The following MPRIP variants were observed in gnomAD, a reference collection of about 807,000 sequenced individuals.
The protein encoded by MPRIP is myosin phosphatase Rho-interacting protein.
Under a neutral mutation model 234.9 loss-of-function variants are expected in MPRIP, and 59 were observed. That is an observed-to-expected ratio of 0.25 (90% confidence interval 0.20 to 0.31). MPRIP has a LOEUF of 0.31. Among genes scored for constraint, MPRIP ranks in the 10% least tolerant of loss-of-function variants. The pLI, the probability that MPRIP is intolerant of heterozygous loss-of-function variation, is 1.00. For missense variants in MPRIP, 2,436 were observed against 3,071.0 expected (o/e 0.79, Z 4.89); for synonymous variants, 1,144 against 1,263.9 (o/e 0.91, Z 2.01).
chr17:17,082,789 G>A (rs574832047), intron 3 of MPRIP, among the ~76,000 whole-genome samples: 2 of 152,230 alleles, frequency 1.3e-5, no homozygotes, highest in South Asian at 4.1e-4. Context: ...CCCAGCCCCT[G>A]GAAACCCCCA....
At chr17:17,063,376 G>A (rs1349415759) in intron 1 of MPRIP, among the ~76,000 whole-genome samples, 3 of 152,248 alleles carry the variant, frequency 2.0e-5, no homozygotes, top group Admixed American at 1.3e-4. Flanking sequence ...TGAGAGAGAA[G>A]GAATACATTT....
chr17:17,172,606 G>A (rs1270897143), intron 17 of MPRIP, 92 bp from the exon 18 acceptor site: 1 of 923,284 alleles, frequency 1.1e-6, no homozygotes, highest in African/African-American at 1.7e-5. Context: ...GCAGTGGCAG[G>A]CGCCATCCCA....
chr17:17,120,532 G>T (rs1433414566), intron 3 of MPRIP, among the ~76,000 whole-genome samples: 3 of 152,088 alleles, frequency 2.0e-5, no homozygotes, highest in African/African-American at 4.8e-5. Context: ...GTGTCCTCCT[G>T]CCTAAACAAT....
chr17:17,163,413 G>A (rs2045914816), intron 15 of MPRIP, among the ~76,000 whole-genome samples: 1 of 151,978 alleles, frequency 6.6e-6, no homozygotes, highest in Non-Finnish European at 1.5e-5. Flanking sequence ...TTTTGTTTTT[G>A]CATGCTTCAC....
In MPRIP at chr17:17,136,307, C is replaced by A; in HGVS notation, c.593C>A (p.Thr198Asn). 2 of 1,613,956 alleles carry A rather than the reference C, an allele frequency of 1.2e-6. No individual in the cohort carries two copies. The highest frequency in any genetic ancestry group is 1.7e-6 in the Non-Finnish European group (2 of 1,179,886). ...SSIPSAEKVPTTKSTLWQEEM... is the reference protein window; with the variant it reads ...SSIPSAEKVPNTKSTLWQEEM... ...ATCCCCAGTGCTGAGAAAGTCCCCACCACCAAGTCCACACTCTGGCAGGAA... is the reference window on the plus strand; with the variant it reads ...ATCCCCAGTGCTGAGAAAGTCCCCAACACCAAGTCCACACTCTGGCAGGAA... Residue 198 changes from threonine to asparagine, a missense_variant, in exon 6 of 24, where the codon ACC becomes AAC. By Grantham distance (65) the Thr-to-Asn change is moderately conservative. Transcript: ENST00000651222.
chr17:17,178,361 GTAC>G (rs1415953522), intron 22 of MPRIP: 1 of 152,222 alleles, frequency 6.6e-6, no homozygotes, highest in Non-Finnish European at 1.5e-5. Context: ...TAGTGATTAT[GTAC>G]TGACAGATGC....
At chr17:17,116,322 C>T (rs952307867) in intron 3 of MPRIP, among the ~76,000 whole-genome samples, 4 of 152,176 alleles carry the variant, frequency 2.6e-5, no homozygotes, top group Admixed American at 6.5e-5. Context: ...CAGGCCTCTC[C>T]GGCAGGACAG....
rs142358454 is a variant in MPRIP at position 17,065,035 on chromosome 17, A to C, written c.124-10675A>C. ...TGTTTTTTTTAGCCATTATAAAATA[A>C]GATGTTCATAAATAGCATGAACACC... is the stretch of plus-strand genomic sequence containing the variant. On this transcript the variant is annotated intron_variant, in intron 1 of 23. Coordinates refer to ENST00000651222, the MANE Select transcript of MPRIP (RefSeq NM_001364716.4). Among the ~76,000 whole-genome samples the C allele has an allele frequency of 4.2e-4, 64 of 152,276 alleles. No homozygotes were observed. The East Asian group carries it at 0.01, about 25-fold the overall frequency.
intron 1 of MPRIP, among the ~76,000 whole-genome samples, chr17:17,059,653 C>G (rs1356470512): frequency 6.6e-6 from 1 of 152,240 alleles, no homozygotes; most frequent in Non-Finnish European, 1.5e-5. Context: ...AGTTCCTTTC[C>G]CTTTGCACCA....
chr17:17,070,482 A>C (rs1414165418), intron 1 of MPRIP, among the ~76,000 whole-genome samples: 5 of 151,942 alleles, frequency 3.3e-5, no homozygotes, highest in Admixed American at 6.6e-5. Context: ...AGATGGGATG[A>C]TTTCTGTTGT....
In MPRIP at chr17:17,187,098, G is replaced by T. The variant is rs1382481918; in HGVS notation, c.*2204G>T. On this transcript the variant is annotated 3_prime_UTR_variant, in exon 24 of 24. Transcript: ENST00000651222. Reference sequence around the variant, plus strand: ...CAGCTCCCTGCCTTCTGCCCTCCAGGGGGTTCTGGCCAGAGTCCATGCTTG... The same window carrying T: ...CAGCTCCCTGCCTTCTGCCCTCCAGTGGGTTCTGGCCAGAGTCCATGCTTG... 6.6e-6 allele frequency: 1 copy of T among 152,300 alleles called. No individual in the cohort carries two copies. The highest frequency in any genetic ancestry group is 1.5e-5 in the Non-Finnish European group (1 of 68,122). The allele number at this position is 152,300 out of a possible 1,614,324, so 9.4% of individuals were successfully genotyped here.
At chr17:17,108,836 T>C (rs748485402) in intron 3 of MPRIP, among the ~76,000 whole-genome samples, 1 of 152,352 alleles carries the variant, frequency 6.6e-6, no homozygotes, top group Non-Finnish European at 1.5e-5. Flanking sequence ...AGTTACACCA[T>C]GTGGCATGGC....
In MPRIP at chr17:17,166,783, T is replaced by G; in HGVS notation, c.5192T>G (p.Leu1731Arg). Residue 1731 changes from leucine to arginine, a missense_variant, in exon 16 of 24, where the codon CTC (leucine) becomes CGC (arginine). This residue lies in a region of MPRIP where 1,998 missense variants were observed against 2,520.3 expected (regional missense o/e 0.79). Coordinates refer to ENST00000651222, the MANE Select transcript of MPRIP (RefSeq NM_001364716.4). This position sits in a 1 kb window ranked among gnomAD's most constrained non-coding sequence, Gnocchi z 4.4. ...GTGATGCAGCAGGTCTTGGAAGCCCTCAGGCTTCCAGCGGGCCATGAAGAT... is the reference window on the plus strand; with the variant it reads ...GTGATGCAGCAGGTCTTGGAAGCCCGCAGGCTTCCAGCGGGCCATGAAGAT... ...ERVMQQVLEA[L>R]RLPAGHEDGV... 1 of 1,304,198 alleles carries G rather than the reference T, an allele frequency of 7.7e-7. No homozygotes were observed. The highest frequency in any genetic ancestry group is 1.0e-6 in the Non-Finnish European group (1 of 988,954). 80.8% of individuals were successfully genotyped at this position (1,304,198 alleles called of 1,614,324 possible).
chr17:17,114,242 T>C (rs768730729), intron 3 of MPRIP, among the ~76,000 whole-genome samples: 1 of 152,210 alleles, frequency 6.6e-6, no homozygotes, highest in Non-Finnish European at 1.5e-5. Context: ...CTTCTTTGTA[T>C]ATTCACATCC....
chr17:17,052,520 G>C (rs1314211559), intron 1 of MPRIP, among the ~76,000 whole-genome samples: 1 of 152,128 alleles, frequency 6.6e-6, no homozygotes, highest in Non-Finnish European at 1.5e-5. Flanking sequence ...TCAGCGACCT[G>C]CCTAGGTCAC....
At chr17:17,149,279 G>A (rs1450171723) in intron 11 of MPRIP, among the ~76,000 whole-genome samples, 1 of 152,130 alleles carries the variant, frequency 6.6e-6, no homozygotes, top group Non-Finnish European at 1.5e-5. Flanking sequence ...GATCACCTGA[G>A]GTCAGGAGTT....
At chr17:17,063,567 A>C (rs1019354379) in intron 1 of MPRIP, among the ~76,000 whole-genome samples, 1 of 152,082 alleles carries the variant, frequency 6.6e-6, no homozygotes, top group Admixed American at 6.5e-5. Context: ...AGTGAGACCC[A>C]CCTGTCTGCA....
At chr17:17,146,003 C>G (rs765257117) in intron 9 of MPRIP, 33 bp from the exon 10 acceptor site, 1 of 1,607,794 alleles carries the variant, frequency 6.2e-7, no homozygotes, top group African/African-American at 1.3e-5. Context: ...AGAAGAGTTT[C>G]CTCTGAGCTG....
chr17:17,059,098 A>T (rs939193912), intron 1 of MPRIP, among the ~76,000 whole-genome samples: 4 of 152,260 alleles, frequency 2.6e-5, no homozygotes, highest in Non-Finnish European at 5.9e-5. Flanking sequence ...CTTAAAAGTA[A>T]CAATAAGCCT....
Sources: gnomAD v4.1 joint callset for allele counts (sites outside exome capture counted in the v4.1 genomes callset) on GRCh38, gnomAD v4.1.1 for gene constraint, gnomAD v4.1.1 regional missense constraint, Gnocchi (gnomAD v3.1) non-coding constraint, MANE v1.5 for transcripts, NCBI Gene and HGNC (gene_info 2026-07-23, HGNC 2026-07-21) for gene names.